CCL28: variants seen among roughly 807,000 people sequenced by gnomAD.
CCL28 encodes C-C motif chemokine ligand 28, also known as C-C motif chemokine 28.
A neutral mutation model predicts 7.1 loss-of-function variants in CCL28; 4 were observed. The observed-to-expected ratio is 0.56, with a 90% CI of 0.28 to 1.29. CCL28 has a LOEUF of 1.29. Ranked by LOEUF, CCL28 falls within the 50% of genes most tolerant of loss-of-function variation. The pLI, the probability that CCL28 is intolerant of heterozygous loss-of-function variation, is 0.11. For missense variants in CCL28, 151 were observed against 163.4 expected (o/e 0.92, Z 0.41); for synonymous variants, 55 against 57.8 (o/e 0.95, Z 0.22).
At chr5:43,407,218 C>A (rs1178835113) in intron 1 of CCL28, among the ~76,000 whole-genome samples, 1 of 152,148 alleles carries the variant, frequency 6.6e-6, no homozygotes, top group Non-Finnish European at 1.5e-5. Flanking sequence ...AAGCTGGAGG[C>A]ATCACACTAC....
At chr5:43,405,779 A>C (rs1002544788) in intron 1 of CCL28, among the ~76,000 whole-genome samples, 2 of 152,192 alleles carry the variant, frequency 1.3e-5, no homozygotes, top group African/African-American at 4.8e-5. Context: ...AAGAGACAAG[A>C]ATCAAATAGA....
At chr5:43,357,844 A>G in the CCL28 span, among the ~76,000 whole-genome samples, 1 of 152,176 alleles carries the variant, frequency 6.6e-6, no homozygotes, top group African/African-American at 2.4e-5. Context: ...CTCAATTAAG[A>G]TATCTTGTAA....
At chr5:43,393,909 T>C (rs1740691155) in intron 1 of CCL28, among the ~76,000 whole-genome samples, 1 of 152,190 alleles carries the variant, frequency 6.6e-6, no homozygotes, top group African/African-American at 2.4e-5. Context: ...TTTGAGGAGG[T>C]GAGAAGTTAT....
chr5:43,412,106 GT>G (rs1741556643), intron 1 of CCL28, 146 bp downstream of exon 1: 2 of 533,038 alleles, frequency 3.8e-6, no homozygotes, highest in Non-Finnish European at 6.3e-6. Flanking sequence ...TTAAAGCTAT[GT>G]CATTCTCTTG....
chr5:43,401,598 G>A (rs1741042541), intron 1 of CCL28, among the ~76,000 whole-genome samples: 1 of 152,112 alleles, frequency 6.6e-6, no homozygotes, highest in Non-Finnish European at 1.5e-5. Context: ...CAGGGTTATT[G>A]TGAAGATTGC....
chr5:43,393,862 C>T (rs925474356), intron 1 of CCL28, among the ~76,000 whole-genome samples: 2 of 152,158 alleles, frequency 1.3e-5, no homozygotes, highest in African/African-American at 4.8e-5. Flanking sequence ...TCTCACAAGA[C>T]GTGTAGAAAC....
At chr5:43,367,919 T>C in the CCL28 span, among the ~76,000 whole-genome samples, 1 of 152,206 alleles carries the variant, frequency 6.6e-6, no homozygotes, top group East Asian at 1.9e-4. Flanking sequence ...ATATTTCCCA[T>C]ACAAATCTTC....
downstream of CCL28, among the ~76,000 whole-genome samples, chr5:43,375,947 A>G (rs967990728): frequency 6.6e-6 from 1 of 152,184 alleles, no homozygotes; most frequent in African/African-American, 2.4e-5. Context: ...AGGCAGGAGA[A>G]TCGCTTGAGC....
chr5:43,380,440 C>T lies in CCL28; in HGVS notation c.*1420G>A, dbSNP rs1225620248. 6.6e-6 allele frequency: 1 copy of T among 152,078 alleles called. No homozygotes were observed. The highest frequency in any genetic ancestry group is 2.4e-5 in the African/African-American group (1 of 41,406). The allele number at this position is 152,078 out of a possible 1,614,324, so 9.4% of individuals were successfully genotyped here. A position where few individuals can be genotyped will look rare whatever the true frequency, so the allele number is the denominator to read the frequency against. On this transcript the variant is annotated 3_prime_UTR_variant, in exon 3 of 3. Transcript: ENST00000361115. ...CCTAATATTTATGAACTCTAAATGA[C>T]AAAATAAGTACACGAATTCACGTAG...
chr5:43,357,412 T>G, the CCL28 span, among the ~76,000 whole-genome samples: 1 of 152,174 alleles, frequency 6.6e-6, no homozygotes, highest in Non-Finnish European at 1.5e-5. Flanking sequence ...CCAATTTCAG[T>G]GCAGGGAAGA....
At chr5:43,410,452 G>A (rs1033190876) in intron 1 of CCL28, among the ~76,000 whole-genome samples, 1 of 152,140 alleles carries the variant, frequency 6.6e-6, no homozygotes, top group Non-Finnish European at 1.5e-5. Flanking sequence ...GTAAAGCATC[G>A]AGACTAACCC....
downstream of CCL28, among the ~76,000 whole-genome samples, chr5:43,372,767 A>G (rs1015560944): frequency 6.9e-5 from 10 of 145,014 alleles, no homozygotes; most frequent in East Asian, 6.1e-4. Context: ...TGCTATGAAC[A>G]TTCTTTTTTT....
At chr5:43,398,853 A>T (rs1382464227) in intron 1 of CCL28, among the ~76,000 whole-genome samples, 2 of 151,686 alleles carry the variant, frequency 1.3e-5, no homozygotes, top group Admixed American at 1.3e-4. Context: ...CCATCTCAAA[A>T]AAAAAGAAGA....
chr5:43,392,560 T>C (rs1740619779), intron 1 of CCL28, among the ~76,000 whole-genome samples: 1 of 152,244 alleles, frequency 6.6e-6, no homozygotes, highest in African/African-American at 2.4e-5. Context: ...CTATATTTCA[T>C]ACCAGCAAAT....
At chr5:43,362,646 T>C in the CCL28 span, among the ~76,000 whole-genome samples, 1 of 152,180 alleles carries the variant, frequency 6.6e-6, no homozygotes, top group South Asian at 2.1e-4. Flanking sequence ...TCATTGTGAA[T>C]ATGTTTGCTC....
chr5:43,407,060 T>C lies in CCL28; in HGVS notation c.64+5193A>G, dbSNP rs192445003. Among the ~76,000 whole-genome samples the C allele has an allele frequency of 3.7e-3, 562 of 152,314 alleles. 1 individual carries two copies. The highest frequency in any genetic ancestry group is 0.034 in the Middle Eastern group (10 of 294). On this transcript the variant is annotated intron_variant, in intron 1 of 2. Coordinates refer to ENST00000361115, the MANE Select transcript of CCL28 (RefSeq NM_148672.3). ...AGAATCAATATCATGAAAATGGCCA[T>C]ACTGCCCAAGGTAATTTATAGATTC...
chr5:43,412,211 C>T (rs200693471), intron 1 of CCL28, 42 bp downstream of exon 1: 75 of 1,543,346 alleles, frequency 4.9e-5, no homozygotes, highest in Non-Finnish European at 6.0e-5. Flanking sequence ...GGAGATACCC[C>T]CCTTTCCAGT....
chr5:43,394,143 C>A (rs1197314099), intron 1 of CCL28, among the ~76,000 whole-genome samples: 1 of 152,202 alleles, frequency 6.6e-6, no homozygotes, highest in Non-Finnish European at 1.5e-5. Context: ...TTTACACATA[C>A]ACATAGGTCT....
In CCL28 at chr5:43,388,426, A is replaced by T; in HGVS notation, c.115T>A (p.Ser39Thr). ...TTCACTCTTTCCAGGAGCCTTCTGG[A>T]AATATGATGTGAAACCTCCGTGCAA... ...SCCTEVSHHI[S>T]RRLLERVNMC... The change falls in exon 2 of 3, where the codon TCC becomes ACC. Residue 39 changes from serine (S) to threonine (T), a missense_variant. Physicochemically the swap from Ser to Thr is moderately conservative, Grantham distance 58. Transcript: ENST00000361115. The T allele has an allele frequency of 6.2e-7, 1 of 1,614,142 alleles. No individual in the cohort carries two copies. The highest frequency in any genetic ancestry group is 8.5e-7 in the Non-Finnish European group (1 of 1,180,022).
Sources: gnomAD v4.1 joint callset for allele counts (sites outside exome capture counted in the v4.1 genomes callset) on GRCh38, gnomAD v4.1.1 for gene constraint, MANE v1.5 for transcripts, NCBI Gene and HGNC (gene_info 2026-07-23, HGNC 2026-07-21) for gene names.